SMU1: variants seen among roughly 807,000 people sequenced by gnomAD.
SMU1 encodes SMU1 DNA replication regulator and spliceosomal factor.
SMU1 carries 2 observed loss-of-function variants against 62.0 expected under a neutral mutation model. The observed-to-expected ratio is 0.03, with a 90% CI of 0.01 to 0.10. The LOEUF (loss-of-function observed/expected upper bound fraction) is 0.10, where lower values mean the gene tolerates loss of function less well. Among genes scored for constraint, SMU1 ranks in the 10% least tolerant of loss-of-function variants. SMU1 has a pLI of 1.00. For synonymous variants in SMU1, 188 were observed against 212.4 expected, an observed-to-expected ratio of 0.89 and a Z score of 1.00; for missense variants, 227 against 622.1, an observed-to-expected ratio of 0.36 and a Z score of 6.76.
intron 10 of SMU1, among the ~76,000 whole-genome samples, chr9:33,048,915 C>T (rs1839214325): frequency 6.6e-6 from 1 of 152,106 alleles, no homozygotes; most frequent in Non-Finnish European, 1.5e-5. Context: ...AGGTATAAAT[C>T]TAACAAAATA....
intron 1 of SMU1, among the ~76,000 whole-genome samples, chr9:33,075,360 G>C (rs1260351977): frequency 6.6e-6 from 1 of 151,870 alleles, no homozygotes; most frequent in Non-Finnish European, 1.5e-5. Flanking sequence ...CTGGGTGACA[G>C]AGTGAGACTC....
Position 33,042,844 on chromosome 9 carries a change from T to G in SMU1, c.*4449A>C, listed in dbSNP as rs1193269370. ...CTATTCCAAGTTTGGTTTTTTTGTT[T>G]TTTGTTTTTGAGACCAAGTCTTGCT... On this transcript the variant is annotated 3_prime_UTR_variant, in exon 12 of 12. Transcript: ENST00000397149. 2 of 152,384 alleles carry G rather than the reference T, an allele frequency of 1.3e-5. No homozygotes were observed. Among genetic ancestry groups the G allele is most frequent in the African/African-American group, 4.8e-5 (2 of 41,444 alleles). 9.4% of individuals were successfully genotyped at this position (152,384 alleles called of 1,614,324 possible).
intron 10 of SMU1, among the ~76,000 whole-genome samples, chr9:33,051,538 A>C (rs1256416165): frequency 1.3e-5 from 2 of 152,208 alleles, no homozygotes; most frequent in Non-Finnish European, 2.9e-5. Context: ...AGATACTGAT[A>C]GTGTGGAAGG....
chr9:33,068,680 C>CA lies in SMU1; in HGVS notation c.501+143_501+144insT, dbSNP rs1227004113. 4.2e-6 allele frequency: 4 copies of CA among 947,306 alleles called. No homozygotes were observed. The African/African-American group carries it at 6.7e-5, about 16-fold the overall frequency. 58.7% of individuals were successfully genotyped at this position (947,306 alleles called of 1,614,324 possible). On this transcript the variant is annotated intron_variant, in intron 4 of 11. Transcript: ENST00000397149. Reference sequence around the variant, plus strand: ...CCACCATAACCCGCTAATTTTTTTACTTTTTGTAGAGACAGAGTCTCACAA... The same window carrying CA: ...CCACCATAACCCGCTAATTTTTTTACATTTTTGTAGAGACAGAGTCTCACAA...
At position 33,076,650 on chromosome 9, in the gene SMU1, G is replaced by A; in HGVS notation, c.-42C>T. Reference sequence around the variant, plus strand: ...GAGCAGGCCCCAGCTCTCCCTCAAGGCCAGTCGCGCAACACACCAACGACA... The same window carrying A: ...GAGCAGGCCCCAGCTCTCCCTCAAGACCAGTCGCGCAACACACCAACGACA... On this transcript the variant is annotated 5_prime_UTR_variant, in exon 1 of 12. Transcript: ENST00000397149. 6.2e-7 allele frequency: 1 copy of A among 1,613,374 alleles called. No individual in the cohort carries two copies. The highest frequency in any genetic ancestry group is 8.5e-7 in the Non-Finnish European group (1 of 1,179,986).
At chr9:33,071,662 G>GT (rs1455855601) in intron 3 of SMU1, 78 bp downstream of exon 3, 7 of 1,162,992 alleles carry the variant, frequency 6.0e-6, no homozygotes, top group East Asian at 5.3e-5. Context: ...CAATAAAATG[G>GT]TAAAAAAAAA....
chr9:33,066,536 G>C (rs771197861), intron 4 of SMU1, among the ~76,000 whole-genome samples: 2 of 137,072 alleles, frequency 1.5e-5, no homozygotes, highest in Non-Finnish European at 3.2e-5. Context: ...GGCTGGGTGC[G>C]GTGGCTCACG....
chr9:33,048,202 G>T lies in SMU1; in HGVS notation c.1347C>A (p.Ala449=), dbSNP rs370419078. 33 of 1,614,056 alleles carry T rather than the reference G, an allele frequency of 2.0e-5. No homozygotes were observed. In the African/African-American group the frequency reaches 2.5e-4, roughly 12 times the overall value. Residue 449 remains alanine (A), a synonymous_variant, in exon 11 of 12, where the codon GCC becomes GCA. Transcript: ENST00000397149. ...KREGGDFVCC[A]LSPRGEWIYC... ...AGATCCATTCACCACGGGGAGAGAGGGCACAGCAAACAAAGTCCCCACCTT... is the reference window on the plus strand; with the variant it reads ...AGATCCATTCACCACGGGGAGAGAGTGCACAGCAAACAAAGTCCCCACCTT...
intron 1 of SMU1, 106 bp downstream of exon 1, chr9:33,076,477 C>A (rs1839547317): frequency 1.5e-6 from 2 of 1,369,452 alleles, no homozygotes; most frequent in Non-Finnish European, 2.1e-6. Context: ...GGAAATGGCC[C>A]TCCACTCCCT....
chr9:33,066,543 C>T (rs1007525656), intron 4 of SMU1, among the ~76,000 whole-genome samples: 2 of 144,104 alleles, frequency 1.4e-5, no homozygotes, highest in Admixed American at 7.0e-5. Flanking sequence ...TGCGGTGGCT[C>T]ACGCCTGTAA....
Position 33,047,347 on chromosome 9 carries a change from C to T in SMU1, c.1488G>A (p.Gln496=), listed in dbSNP as rs1327962545. 6.2e-7 allele frequency: 1 copy of T among 1,613,604 alleles called. No individual in the cohort carries two copies. The highest frequency in any genetic ancestry group is 8.5e-7 in the Non-Finnish European group (1 of 1,179,968). ...DVIGIAHHPH[Q]NLIATYSEDG... ...CTTCACTGTAGGTAGCAATCAGGTT[C>T]TGATGAGGGTGATGTGCAATACCAA... The change falls in exon 12 of 12, where the codon CAG becomes CAA. Residue 496 remains glutamine, a synonymous_variant. Coordinates refer to ENST00000397149, the MANE Select transcript of SMU1 (RefSeq NM_018225.3).
At chr9:33,064,732 T>C (rs953146278) in intron 4 of SMU1, among the ~76,000 whole-genome samples, 1 of 151,716 alleles carries the variant, frequency 6.6e-6, no homozygotes, top group Non-Finnish European at 1.5e-5. Flanking sequence ...CTTTGCTAAA[T>C]ATATTTTTTC....
intron 7 of SMU1, 107 bp from the exon 8 acceptor site, chr9:33,057,071 G>A: frequency 8.1e-7 from 1 of 1,236,250 alleles, no homozygotes; most frequent in Non-Finnish European, 1.1e-6. Context: ...TACTGAAACA[G>A]CATTAAAAAT....
intron 10 of SMU1, among the ~76,000 whole-genome samples, chr9:33,049,324 C>T (rs1839217704): frequency 6.6e-6 from 1 of 152,050 alleles, no homozygotes; most frequent in African/African-American, 2.4e-5. Flanking sequence ...GTAGCAAAAG[C>T]AATATAATAG....
chr9:33,076,132 A>AG (rs1839543327), intron 1 of SMU1, among the ~76,000 whole-genome samples: 5 of 152,222 alleles, frequency 3.3e-5, no homozygotes, highest in Non-Finnish European at 2.9e-5. Context: ...AAACAGTGAC[A>AG]ATACTGAGTG....
intron 2 of SMU1, 117 bp downstream of exon 2, chr9:33,073,479 T>C: frequency 1.6e-6 from 1 of 644,014 alleles, no homozygotes; most frequent in East Asian, 2.8e-5. Context: ...CTTGCCATTG[T>C]TGTATGGGCT....
chr9:33,073,714 G>A lies in SMU1; in HGVS notation c.119C>T (p.Thr40Ile), dbSNP rs1839512260. Residue 40 changes from threonine (T) to isoleucine (I), a missense_variant, in exon 2 of 12, where the codon ACT (threonine) becomes ATT (isoleucine). Physicochemically the swap from Thr to Ile is moderately conservative, Grantham distance 89. This residue lies in a region of SMU1 where 99 missense variants were observed against 270.3 expected (regional missense o/e 0.37). Transcript: ENST00000397149. Reference protein sequence around the residue: ...LQEETTVSLNTVDSIESFVAD... With the variant: ...LQEETTVSLNIVDSIESFVAD... ...CACAAAACTCTCAATGCTGTCCACA[G>A]TATTCAGAGACACAGTAGTCTCCTC... The A allele has an allele frequency of 3.7e-6, 6 of 1,614,168 alleles. No homozygotes were observed. The highest frequency in any genetic ancestry group is 3.4e-6 in the Non-Finnish European group (4 of 1,180,004).
At chr9:33,050,496 T>C (rs1207404609) in intron 10 of SMU1, among the ~76,000 whole-genome samples, 1 of 146,592 alleles carries the variant, frequency 6.8e-6, no homozygotes, top group Non-Finnish European at 1.5e-5. Context: ...CTTTGGTAGA[T>C]GACTGGATAA....
intron 9 of SMU1, among the ~76,000 whole-genome samples, chr9:33,054,819 C>A (rs1380819648): frequency 6.6e-6 from 1 of 152,128 alleles, no homozygotes; most frequent in African/African-American, 2.4e-5. Context: ...TCCTCTGAAG[C>A]CCAGTTGCTT....
Sources: gnomAD v4.1 joint callset for allele counts (sites outside exome capture counted in the v4.1 genomes callset) on GRCh38, gnomAD v4.1.1 for gene constraint, gnomAD v4.1.1 regional missense constraint, MANE v1.5 for transcripts, NCBI Gene and HGNC (gene_info 2026-07-23, HGNC 2026-07-21) for gene names.